OSBPL10: variants seen among roughly 807,000 people sequenced by gnomAD.
OSBPL10 encodes oxysterol-binding protein-related protein 10.
Under a neutral mutation model 81.7 loss-of-function variants are expected in OSBPL10, and 49 were observed. That is an observed-to-expected ratio of 0.60 (90% CI 0.48 to 0.76). The LOEUF (loss-of-function observed/expected upper bound fraction) is 0.76, where lower values mean the gene tolerates loss of function less well. OSBPL10 is among the 30% of genes least tolerant of loss of function. The pLI is 0.00. For synonymous variants in OSBPL10, 419 were observed against 383.6 expected, an observed-to-expected ratio of 1.09 and a Z score of -1.08; for missense variants, 923 against 987.8, an observed-to-expected ratio of 0.93 and a Z score of 0.88.
At chr3:31,872,041 T>C (rs1195592296) in intron 3 of OSBPL10, among the ~76,000 whole-genome samples, 2 of 152,240 alleles carry the variant, frequency 1.3e-5, no homozygotes, top group Non-Finnish European at 2.9e-5. Flanking sequence ...AAAGGCCGAA[T>C]GTTTTCTTTT....
chr3:31,993,671 T>TACACAC (rs1286675523), intron 2 of OSBPL10, among the ~76,000 whole-genome samples: 21 of 126,780 alleles, frequency 1.7e-4, no homozygotes, highest in African/African-American at 7.2e-4. Context: ...TTAACATGAC[T>TACACAC]ACACACACAT....
chr3:31,666,774 TAATAA>T (rs1357047590), intron 10 of OSBPL10, among the ~76,000 whole-genome samples: 3 of 152,208 alleles, frequency 2.0e-5, no homozygotes, highest in African/African-American at 4.8e-5. Flanking sequence ...AGTAAGAGAT[TAATAA>T]AATAGAACAA....
intron 4 of OSBPL10, among the ~76,000 whole-genome samples, chr3:31,802,318 G>A (rs1699402459): frequency 6.6e-6 from 1 of 151,520 alleles, no homozygotes; most frequent in Admixed American, 6.6e-5. Flanking sequence ...AGCACTTTGG[G>A]AGGCCAAGGC....
At chr3:31,885,208 C>T (rs1037546121) in intron 1 of OSBPL10, among the ~76,000 whole-genome samples, 4 of 152,112 alleles carry the variant, frequency 2.6e-5, no homozygotes, top group African/African-American at 9.7e-5. Flanking sequence ...CACTGATGCC[C>T]ACAAACATAC....
intron 4 of OSBPL10, among the ~76,000 whole-genome samples, chr3:31,824,344 C>A (rs904087904): frequency 6.6e-6 from 1 of 152,038 alleles, no homozygotes; most frequent in Non-Finnish European, 1.5e-5. Flanking sequence ...CATCAATTGT[C>A]TTTGCAATTT....
chr3:31,672,381 A>G (rs896326343), intron 8 of OSBPL10, among the ~76,000 whole-genome samples: 233 of 25,146 alleles, frequency 9.3e-3, no homozygotes, highest in Middle Eastern at 0.038. Flanking sequence ...GGCAGGAGGG[A>G]GGGAGAGGGA....
intron 8 of OSBPL10, among the ~76,000 whole-genome samples, chr3:31,681,023 T>A (rs552332678): frequency 6.6e-6 from 1 of 152,188 alleles, no homozygotes; most frequent in Non-Finnish European, 1.5e-5. Context: ...TAAAGATAGA[T>A]GTATTTTTAC....
intron 5 of OSBPL10, among the ~76,000 whole-genome samples, chr3:31,733,697 T>TG (rs1262460579): frequency 1.1e-4 from 17 of 150,000 alleles, no homozygotes; most frequent in African/African-American, 3.4e-4. Flanking sequence ...TTTTTTTTTT[T>TG]TTTTTTTTTT....
chr3:31,982,361 A>T (rs915237708), upstream of OSBPL10, among the ~76,000 whole-genome samples: 8 of 152,138 alleles, frequency 5.3e-5, no homozygotes, highest in African/African-American at 1.4e-4. Context: ...TCTCTCTCTC[A>T]CACACACACA....
intron 1 of OSBPL10, among the ~76,000 whole-genome samples, chr3:31,902,493 C>T (rs1490312304): frequency 6.6e-6 from 1 of 151,968 alleles, no homozygotes; most frequent in South Asian, 2.1e-4. Flanking sequence ...GAACTCCTGA[C>T]CTCAGGCAAT....
rs1004570697 is a variant in OSBPL10, at chr3:31,991,713, G to GA, written n.298+54777dup. 783 of 152,346 alleles carry GA rather than the reference G, an allele frequency of 5.1e-3. 1 individual carries two copies. The highest frequency in any genetic ancestry group is 0.016 in the African/African-American group (626 of 40,196). The allele number at this position is 152,346 out of a possible 1,614,324, so 9.4% of individuals were successfully genotyped here. ...AATACAATTTTACTTCTTTCTTTCT[G>GA]AAAAAAAAAATGGATAACTAATACA... On this transcript the variant is annotated intron_variant and non_coding_transcript_variant, in intron 2 of 3. Transcript: ENST00000479173.
chr3:32,076,380 A>G (rs1200182055), intron 1 of OSBPL10, among the ~76,000 whole-genome samples: 1 of 151,784 alleles, frequency 6.6e-6, no homozygotes, highest in African/African-American at 2.4e-5. Context: ...AAAAAAAAAA[A>G]GAATCCCACC....
At position 31,792,629 on chromosome 3, in the gene OSBPL10, C is replaced by T. The variant is rs527372429; in HGVS notation, c.729+37411G>A. On this transcript the variant is annotated intron_variant, in intron 4 of 11. Transcript: ENST00000396556. ...TGTGTGCTGGGGTGTGTATGTTTTACGCTGTCAGCTATCCAGACACACTGT... is the reference window on the plus strand; with the variant it reads ...TGTGTGCTGGGGTGTGTATGTTTTATGCTGTCAGCTATCCAGACACACTGT... 5.9e-5 allele frequency among the ~76,000 whole-genome samples: 9 copies of T among 151,370 alleles called. No homozygotes were observed. The South Asian group carries it at 1.5e-3, about 25-fold the overall frequency.
At chr3:31,678,522 T>C (rs1385283891) in intron 8 of OSBPL10, among the ~76,000 whole-genome samples, 5 of 152,106 alleles carry the variant, frequency 3.3e-5, no homozygotes, top group Non-Finnish European at 7.4e-5. Flanking sequence ...AAGGGAGAGA[T>C]TGCGTTTCTG....
chr3:31,869,797 G>GTAA (rs1701273786), intron 3 of OSBPL10, among the ~76,000 whole-genome samples: 2 of 152,182 alleles, frequency 1.3e-5, no homozygotes, highest in Non-Finnish European at 2.9e-5. Context: ...AAAAATGGAA[G>GTAA]TAATACCACC....
chr3:31,733,603 T>C (rs1697043709), intron 5 of OSBPL10, among the ~76,000 whole-genome samples, 192 bp from the exon 6 acceptor site: 1 of 150,042 alleles, frequency 6.7e-6, no homozygotes. Flanking sequence ...CTGTATAATA[T>C]CAAGATCAGA....
chr3:31,777,623 G>C (rs1400586360), intron 4 of OSBPL10, among the ~76,000 whole-genome samples: 5 of 152,148 alleles, frequency 3.3e-5, no homozygotes, highest in African/African-American at 1.2e-4. Context: ...AGAATTCACA[G>C]ATCCTTTGAA....
intron 3 of OSBPL10, among the ~76,000 whole-genome samples, chr3:31,865,577 C>T (rs1230444507): frequency 3.3e-5 from 5 of 152,034 alleles, no homozygotes; most frequent in East Asian, 3.9e-4. Context: ...AGGAGGTGGG[C>T]CTTTGGGAGG....
At chr3:31,930,493 CGA>C (rs991627945) in intron 1 of OSBPL10, among the ~76,000 whole-genome samples, 12 of 152,062 alleles carry the variant, frequency 7.9e-5, no homozygotes, top group African/African-American at 2.7e-4. Flanking sequence ...GGTGCACATG[CGA>C]GAAAGTATGT....
Sources: gnomAD v4.1 joint callset for allele counts (sites outside exome capture counted in the v4.1 genomes callset) on GRCh38, gnomAD v4.1.1 for gene constraint, MANE v1.5 for transcripts, NCBI Gene and HGNC (gene_info 2026-07-23, HGNC 2026-07-21) for gene names.